CDS2: variants seen among roughly 807,000 people sequenced by gnomAD.
CDS2 encodes phosphatidate cytidylyltransferase 2.
A neutral mutation model predicts 59.0 loss-of-function variants in CDS2; 47 were observed. That is an observed-to-expected ratio of 0.80 (90% CI 0.63 to 1.02). The LOEUF is 1.02. Among genes scored for constraint, CDS2 ranks in the 50% least tolerant of loss-of-function variants. The pLI is 0.00. For missense variants in CDS2, 356 were observed against 558.9 expected (o/e 0.64, Z 3.66); for synonymous variants, 207 against 206.4 (o/e 1.00, Z -0.02).
intron 1 of CDS2, among the ~76,000 whole-genome samples, chr20:5,152,082 A>T (rs935150430): frequency 6.4e-4 from 23 of 35,682 alleles, no homozygotes; most frequent in African/African-American, 3.4e-3. Context: ...TGGCTTTTTA[A>T]AAAAAAAAAA....
chr20:5,152,094 A>C (rs1252266401), intron 1 of CDS2, among the ~76,000 whole-genome samples: 1 of 145,474 alleles, frequency 6.9e-6, no homozygotes, highest in Admixed American at 6.8e-5. Context: ...AAAAAAAAAA[A>C]CAAAAAAACA....
intron 1 of CDS2, among the ~76,000 whole-genome samples, chr20:5,160,719 C>A (rs543821167): frequency 6.6e-6 from 1 of 152,280 alleles, no homozygotes; most frequent in African/African-American, 2.4e-5. Context: ...TCCCCTCTCA[C>A]TCCCCCAGCC....
chr20:5,184,985 G>A lies in CDS2; in HGVS notation c.759+40G>A, dbSNP rs1269386322. On this transcript the variant is annotated intron_variant, in intron 8 of 12. Transcript: ENST00000460006. This position sits in a 1 kb window ranked among gnomAD's most constrained non-coding sequence, Gnocchi z 4.3. ...CTAATGTGAAATACCACTGTGAGGG[G>A]AGGGTGGTGCTCTCAATGTGAGTAG... 4.2e-6 allele frequency: 6 copies of A among 1,415,918 alleles called. No individual in the cohort carries two copies. The highest frequency in any genetic ancestry group is 1.1e-5 in the South Asian group (1 of 87,104). The allele number at this position is 1,415,918 out of a possible 1,614,324, so 87.7% of individuals were successfully genotyped here.
At chr20:5,164,765 G>A (rs2090901432) in intron 1 of CDS2, among the ~76,000 whole-genome samples, 1 of 152,172 alleles carries the variant, frequency 6.6e-6, no homozygotes, top group South Asian at 2.1e-4. Flanking sequence ...GATTTTTGGT[G>A]TCTTTCCCCT....
chr20:5,175,433 T>C (rs1156665549), intron 3 of CDS2, 154 bp downstream of exon 3: 1 of 615,392 alleles, frequency 1.6e-6, no homozygotes, highest in East Asian at 2.8e-5. Context: ...ACTTCCCACT[T>C]CTCAGTAGCC....
At chr20:5,155,861 A>G (rs572991684) in intron 1 of CDS2, among the ~76,000 whole-genome samples, 3 of 152,208 alleles carry the variant, frequency 2.0e-5, no homozygotes, top group African/African-American at 7.2e-5. Context: ...GTGAACAGGG[A>G]GGAGAAAAGA....
intron 7 of CDS2, 48 bp downstream of exon 7, chr20:5,183,191 C>A: frequency 6.7e-7 from 1 of 1,495,794 alleles, no homozygotes; most frequent in Non-Finnish European, 9.3e-7. Flanking sequence ...GAGTGTTTCT[C>A]GTGTACAGAT....
chr20:5,155,558 A>G (rs1600487194), intron 1 of CDS2, among the ~76,000 whole-genome samples: 1 of 152,206 alleles, frequency 6.6e-6, no homozygotes, highest in Non-Finnish European at 1.5e-5. Context: ...GGCTGTAGCC[A>G]TGTCGATCTC....
At chr20:5,176,313 T>A in intron 3 of CDS2, 1 of 208,416 alleles carries the variant, frequency 4.8e-6, no homozygotes, top group Non-Finnish European at 9.9e-6. Flanking sequence ...TCCTAGCACT[T>A]TTGGAGGCTG....
intron 2 of CDS2, among the ~76,000 whole-genome samples, chr20:5,174,430 A>G (rs2090979206): frequency 6.6e-6 from 1 of 152,292 alleles, no homozygotes; most frequent in African/African-American, 2.4e-5. Context: ...ATATATGTAA[A>G]GTCCTCATAA....
At chr20:5,128,408 G>A (rs1361849401) in intron 1 of CDS2, 3 of 152,126 alleles carry the variant, frequency 2.0e-5, no homozygotes, top group Non-Finnish European at 2.9e-5. Context: ...TGAGATCATG[G>A]GTTTTTTTTA....
intron 2 of CDS2, 55 bp downstream of exon 2, chr20:5,173,714 T>G (rs1216250996): frequency 3.1e-6 from 5 of 1,604,698 alleles, no homozygotes; most frequent in Non-Finnish European, 4.3e-6. Context: ...CATGTCCAAG[T>G]GCCCTGGAAG....
intron 1 of CDS2, among the ~76,000 whole-genome samples, chr20:5,161,103 A>G (rs1160192756): frequency 2.0e-5 from 3 of 152,120 alleles, no homozygotes; most frequent in African/African-American, 7.2e-5. Flanking sequence ...GTAATTCTAT[A>G]TTTGATTTTT....
chr20:5,135,538 A>G (rs545528889), intron 1 of CDS2, among the ~76,000 whole-genome samples: 248 of 152,208 alleles, frequency 1.6e-3, no homozygotes, highest in African/African-American at 5.5e-3. Context: ...AAAGAATGCT[A>G]ATTTGTTCCT....
chr20:5,140,796 C>A (rs2090687140), intron 1 of CDS2, among the ~76,000 whole-genome samples: 1 of 152,148 alleles, frequency 6.6e-6, no homozygotes, highest in South Asian at 2.1e-4. Context: ...CTATGTACCT[C>A]CTGATGGAGA....
intron 6 of CDS2, 103 bp from the exon 7 acceptor site, chr20:5,182,958 T>C: frequency 1.1e-6 from 1 of 875,150 alleles, no homozygotes; most frequent in African/African-American, 1.7e-5. Context: ...GCAGATATTT[T>C]TCCTACCTGC....
chr20:5,170,482 G>C (rs1408979044), intron 1 of CDS2, among the ~76,000 whole-genome samples: 1 of 152,244 alleles, frequency 6.6e-6, no homozygotes, highest in East Asian at 1.9e-4. Context: ...TCAGGTTTCT[G>C]TTCCCTTTGG....
intron 1 of CDS2, among the ~76,000 whole-genome samples, chr20:5,147,493 A>G (rs955884466): frequency 2.0e-5 from 3 of 152,206 alleles, no homozygotes; most frequent in African/African-American, 7.2e-5. Context: ...TGTGTGGTAC[A>G]TAAACGTGTG....
chr20:5,177,875 G>A (rs1212627508), intron 4 of CDS2, among the ~76,000 whole-genome samples: 1 of 152,186 alleles, frequency 6.6e-6, no homozygotes, highest in Non-Finnish European at 1.5e-5. Flanking sequence ...GGAAAGCAGT[G>A]TTTTGCATTT....
Sources: allele counts gnomAD v4.1 joint callset (sites outside exome capture counted in the v4.1 genomes callset), GRCh38; gene constraint gnomAD v4.1.1; non-coding constraint Gnocchi (gnomAD v3.1); transcripts MANE v1.5; gene names NCBI Gene and HGNC (gene_info 2026-07-23, HGNC 2026-07-21).